The following USP10 variants were observed in gnomAD, a reference collection of about 807,000 sequenced individuals.
USP10 encodes ubiquitin carboxyl-terminal hydrolase 10.
Under a neutral mutation model 84.5 loss-of-function variants are expected in USP10, and 22 were observed. The ratio of observed to expected loss-of-function variants is 0.26; its 90% CI spans 0.19 to 0.37. USP10 has a LOEUF of 0.37. USP10 is among the 10% of genes least tolerant of loss of function. USP10 has a pLI of 1.00. For synonymous variants in USP10, 454 were observed against 387.6 expected (o/e 1.17, Z -2.01); for missense variants, 1,019 against 998.9 (o/e 1.02, Z -0.27).
chr16:84,704,078 G>T (rs903947070), intron 1 of USP10, among the ~76,000 whole-genome samples: 5 of 152,220 alleles, frequency 3.3e-5, no homozygotes, highest in African/African-American at 1.2e-4. Context: ...ACTGTGCTGT[G>T]CTCAGAATAT....
intron 4 of USP10, among the ~76,000 whole-genome samples, chr16:84,750,463 G>A (rs56739018): frequency 0.031 from 4,646 of 151,170 alleles, 210 homozygotes; most frequent in African/African-American, 0.11. Context: ...GTTGCAAAAC[G>A]CGACACCCTT....
In USP10 at chr16:84,762,690, C is replaced by CAA. The variant is rs68114431; in HGVS notation, c.1555-286_1555-285dup. The stretch of plus-strand genomic sequence containing the variant: ...TGGGTGACGGAATGAGACTTTGTCT[C>CAA]AAAAAAAAAAAAAAGTATATTTATT... On this transcript the variant is annotated intron_variant, in intron 8 of 13. Transcript: ENST00000219473. Among the ~76,000 whole-genome samples the CAA allele has an allele frequency of 4.5e-3, 580 of 128,950 alleles. 7 individuals are homozygous for CAA. The highest frequency in any genetic ancestry group is 0.014 in the African/African-American group (468 of 34,462). The allele number at this position is 128,950 out of a possible 152,430, so 84.6% of individuals were successfully genotyped here. A position where few individuals can be genotyped will look rare whatever the true frequency, so the allele number is the denominator to read the frequency against.
At chr16:84,710,832 C>T (rs915176655) in intron 1 of USP10, among the ~76,000 whole-genome samples, 4 of 152,112 alleles carry the variant, frequency 2.6e-5, no homozygotes, top group African/African-American at 7.2e-5. Flanking sequence ...GTCCCCAGGC[C>T]GTCTGAGCCA....
In USP10 at chr16:84,700,111, G is replaced by T; in HGVS notation, c.21G>T (p.Gln7His). MALHSP[Q>H]YIFGDFSPDE... ...CAGCCATGGCCCTCCACAGCCCGCA[G>T]GTAGCCGCCGGTCTGCGCCTTCGGC... The change falls in exon 1 of 14, where the codon CAG becomes CAT. Residue 7 changes from glutamine (Q) to histidine (H), a missense_variant and splice_region_variant. Gln to His is a conservative substitution (Grantham distance 24). This residue lies in a region of USP10 where 787 missense variants were observed against 708.8 expected (regional missense o/e 1.11). Transcript: ENST00000219473. 1 of 1,351,370 alleles carries T rather than the reference G, an allele frequency of 7.4e-7. No homozygotes were observed. The highest frequency in any genetic ancestry group is 9.7e-7 in the Non-Finnish European group (1 of 1,030,498). The allele number at this position is 1,351,370 out of a possible 1,614,324, so 83.7% of individuals were successfully genotyped here.
intron 1 of USP10, among the ~76,000 whole-genome samples, chr16:84,709,572 A>C (rs1054359060): frequency 2.0e-5 from 3 of 152,100 alleles, no homozygotes; most frequent in Admixed American, 1.3e-4. Context: ...ACGGGGTCGC[A>C]GTGGCCATAA....
At chr16:84,773,751 C>T (rs1392161776) in intron 12 of USP10, among the ~76,000 whole-genome samples, 1 of 152,172 alleles carries the variant, frequency 6.6e-6, no homozygotes, top group Non-Finnish European at 1.5e-5. Flanking sequence ...TCCTCCTCCC[C>T]ATTTTATTCT....
chr16:84,704,982 T>C (rs1431088314), intron 1 of USP10: 2 of 1,369,738 alleles, frequency 1.5e-6, no homozygotes, highest in Admixed American at 2.0e-5. Context: ...GCCCAGCACC[T>C]GCTACCGTCT....
intron 8 of USP10, among the ~76,000 whole-genome samples, chr16:84,762,438 C>A (rs560761841): frequency 1.3e-5 from 2 of 152,208 alleles, no homozygotes; most frequent in South Asian, 4.1e-4. Flanking sequence ...TGCCTGTAAT[C>A]CCAGCACTTT....
At chr16:84,725,584 T>C (rs544467733) in intron 1 of USP10, among the ~76,000 whole-genome samples, 1 of 152,094 alleles carries the variant, frequency 6.6e-6, no homozygotes, top group African/African-American at 2.4e-5. Flanking sequence ...TTTGTGTTTT[T>C]AGTAGAGACA....
Position 84,778,941 on chromosome 16 carries a change from A to G in USP10, c.2256A>G (p.Thr752=), listed in dbSNP as rs749395865. The G allele has an allele frequency of 1.9e-6, 3 of 1,613,872 alleles. No individual in the cohort carries two copies. Among genetic ancestry groups the G allele is most frequent in the Non-Finnish European group, 2.5e-6 (3 of 1,179,894 alleles). The change falls in exon 14 of 14, where the codon ACA becomes ACG. Residue 752 remains threonine (T), a synonymous_variant. Coordinates refer to ENST00000219473, the MANE Select transcript of USP10 (RefSeq NM_005153.3). ...GTGCGACGGGCGGCCATTACACTAC[A>G]GACGTCTTCCAGATCGGTCTGAATG... is the stretch of plus-strand genomic sequence containing the variant. ...GNSATGGHYT[T]DVFQIGLNGW...
intron 10 of USP10, among the ~76,000 whole-genome samples, chr16:84,766,721 T>C (rs1296173698): frequency 1.3e-5 from 2 of 152,218 alleles, no homozygotes; most frequent in Non-Finnish European, 2.9e-5. Context: ...ATTGAACAGC[T>C]CTGTCACAGC....
intron 8 of USP10, 100 bp downstream of exon 8, chr16:84,760,375 C>T (rs1299123201): frequency 2.8e-5 from 29 of 1,027,928 alleles, no homozygotes; most frequent in African/African-American, 6.4e-5. Flanking sequence ...CTGTCTCCAG[C>T]GCTATAAGTA....
chr16:84,764,285 CTT>C (rs753673869), intron 10 of USP10, 22 bp downstream of exon 10: 159 of 1,613,790 alleles, frequency 9.9e-5, no homozygotes, highest in Non-Finnish European at 1.3e-4. Flanking sequence ...TCTGGAATAA[CTT>C]AATATTTGCC....
At chr16:84,735,806 A>G (rs929018387) in intron 2 of USP10, among the ~76,000 whole-genome samples, 2 of 152,132 alleles carry the variant, frequency 1.3e-5, no homozygotes, top group African/African-American at 2.4e-5. Flanking sequence ...TTGGAGGGGT[A>G]TAAAAAGAGT....
intron 4 of USP10, among the ~76,000 whole-genome samples, chr16:84,758,310 C>A (rs1912819037): frequency 6.6e-6 from 1 of 152,132 alleles, no homozygotes; most frequent in African/African-American, 2.4e-5. Flanking sequence ...TGCAAGATAT[C>A]TTTCTATCTA....
chr16:84,746,622 C>T (rs909582197), intron 4 of USP10, among the ~76,000 whole-genome samples: 13 of 152,106 alleles, frequency 8.5e-5, no homozygotes, highest in Admixed American at 3.9e-4. Flanking sequence ...GAGCACTCAC[C>T]GTGAATGGAG....
intron 1 of USP10, chr16:84,704,776 G>C: frequency 6.5e-7 from 1 of 1,535,346 alleles, no homozygotes; most frequent in East Asian, 2.4e-5. Flanking sequence ...CAGATGACTT[G>C]AGAACCCAGA....
intron 3 of USP10, among the ~76,000 whole-genome samples, chr16:84,742,526 C>T (rs964043994): frequency 6.6e-6 from 1 of 152,226 alleles, no homozygotes; most frequent in African/African-American, 2.4e-5. Context: ...GCATGTACTG[C>T]AGTGAGCAGC....
chr16:84,726,117 T>C (rs1004593048), intron 1 of USP10, among the ~76,000 whole-genome samples: 1 of 152,242 alleles, frequency 6.6e-6, no homozygotes, highest in South Asian at 2.1e-4. Context: ...TTTCTATCAG[T>C]CCTTTTGAAG....
Sources: gnomAD v4.1 joint callset for allele counts (sites outside exome capture counted in the v4.1 genomes callset) on GRCh38, gnomAD v4.1.1 for gene constraint, gnomAD v4.1.1 regional missense constraint, MANE v1.5 for transcripts, NCBI Gene and HGNC (gene_info 2026-07-23, HGNC 2026-07-21) for gene names.